The following SGTB variants were observed in gnomAD, a reference collection of about 807,000 sequenced individuals.
SGTB encodes small glutamine rich tetratricopeptide repeat co-chaperone beta, also known as small glutamine-rich tetratricopeptide repeat-containing protein beta.
Under a neutral mutation model 43.9 loss-of-function variants are expected in SGTB, and 19 were observed. That is an observed-to-expected ratio of 0.43 (90% CI 0.30 to 0.63). The LOEUF (loss-of-function observed/expected upper bound fraction) is 0.63. Among genes scored for constraint, SGTB ranks in the 30% least tolerant of loss-of-function variants. The pLI, the probability that SGTB is intolerant of heterozygous loss-of-function variation, is 0.12. For missense variants in SGTB, 304 were observed against 358.9 expected (o/e 0.85, Z 1.24); for synonymous variants, 116 against 117.3 (o/e 0.99, Z 0.07).
At chr5:65,720,049 C>A (rs1183949776) in intron 2 of SGTB, among the ~76,000 whole-genome samples, 1 of 150,462 alleles carries the variant, frequency 6.6e-6, no homozygotes, top group East Asian at 1.9e-4. Context: ...GCTGTGTTAT[C>A]TGCTTACGCT....
chr5:65,682,459 A>G (rs1579859456), intron 6 of SGTB, among the ~76,000 whole-genome samples: 1 of 152,184 alleles, frequency 6.6e-6, no homozygotes, highest in Non-Finnish European at 1.5e-5. Flanking sequence ...ATCGGTTAGG[A>G]AGCTATTGCA....
chr5:65,702,256 C>T (rs1423490188), intron 5 of SGTB, among the ~76,000 whole-genome samples: 1 of 151,960 alleles, frequency 6.6e-6, no homozygotes, highest in African/African-American at 2.4e-5. Context: ...TACCGAAGGT[C>T]CCCTGGCAAA....
rs781711460 is a variant in SGTB, at chr5:65,670,201, A to G, written c.*45T>C. The G allele has an allele frequency of 1.2e-5, 18 of 1,552,000 alleles. No homozygotes were observed. In the Admixed American group the frequency reaches 2.9e-4, roughly 25 times the overall value. On this transcript the variant is annotated 3_prime_UTR_variant, in exon 11 of 11. Coordinates refer to ENST00000381007, the MANE Select transcript of SGTB (RefSeq NM_019072.3). ...ACTATCTACAACAAATACTTCATTC[A>G]TAGCCATAAACCATTTGTATCTTGG...
intron 2 of SGTB, among the ~76,000 whole-genome samples, chr5:65,716,709 A>T (rs1758159618): frequency 6.6e-6 from 1 of 152,174 alleles, no homozygotes; most frequent in African/African-American, 2.4e-5. Context: ...GGTTTTGGCC[A>T]TGTTAAATTT....
intron 8 of SGTB, among the ~76,000 whole-genome samples, chr5:65,673,916 A>G (rs963715037): frequency 6.6e-6 from 1 of 152,166 alleles, no homozygotes; most frequent in East Asian, 1.9e-4. Context: ...TTAGCCTCCC[A>G]AAGTGCTGGG....
chr5:65,693,898 A>C lies in SGTB; in HGVS notation c.375-8426T>G, dbSNP rs181024270. Among the ~76,000 whole-genome samples, 129 of 152,384 alleles carry C rather than the reference A, an allele frequency of 8.5e-4. 2 individuals carry two copies. Among genetic ancestry groups the C allele is most frequent in the African/African-American group, 3.1e-3 (129 of 41,596 alleles). On this transcript the variant is annotated intron_variant, in intron 5 of 10. Transcript: ENST00000381007. ...TGTCTAACAGAACTTTCTGCAACAG[A>C]AAAGTTCTGTATCTGTACTATCCAA...
rs1581242719 is a variant in SGTB at position 65,671,118 on chromosome 5, A to G, written c.804-761T>C. Reference sequence around the variant, plus strand: ...AGTATGTAACAAGTGATTTTAAACTATGTATGTGTACCTAAATTGATATAT... The same window carrying G: ...AGTATGTAACAAGTGATTTTAAACTGTGTATGTGTACCTAAATTGATATAT... On this transcript the variant is annotated intron_variant, in intron 10 of 10. Coordinates refer to ENST00000381007, the MANE Select transcript of SGTB (RefSeq NM_019072.3). Among the ~76,000 whole-genome samples, 3 of 152,232 alleles carry G rather than the reference A, an allele frequency of 2.0e-5. No homozygotes were observed. In the South Asian group the frequency reaches 6.2e-4, roughly 31 times the overall value.
chr5:65,684,314 G>A (rs1757456189), intron 6 of SGTB, among the ~76,000 whole-genome samples: 1 of 151,844 alleles, frequency 6.6e-6, no homozygotes, highest in African/African-American at 2.4e-5. Context: ...GAACTCCTGG[G>A]CTCAAGCATT....
intron 5 of SGTB, among the ~76,000 whole-genome samples, chr5:65,698,356 T>C (rs1757750789): frequency 1.3e-5 from 2 of 152,234 alleles, no homozygotes; most frequent in South Asian, 4.1e-4. Context: ...TCAAATGTAC[T>C]ATACTGCTTG....
At chr5:65,720,960 T>G (rs1758261454) in intron 1 of SGTB, 131 bp from the exon 2 acceptor site, 1 of 902,114 alleles carries the variant, frequency 1.1e-6, no homozygotes. Context: ...CTGTATGACC[T>G]TTCATCTTTT....
Position 65,702,044 on chromosome 5 carries a change from G to A in SGTB, c.374+2235C>T, listed in dbSNP as rs377298857. Among the ~76,000 whole-genome samples the A allele has an allele frequency of 6.6e-5, 10 of 152,332 alleles. No homozygotes were observed. In the South Asian group the frequency reaches 1.2e-3, roughly 19 times the overall value. On this transcript the variant is annotated intron_variant, in intron 5 of 10. Coordinates refer to ENST00000381007, the MANE Select transcript of SGTB (RefSeq NM_019072.3). ...TGGCTAGTGGCAACTGAGTTGGACA[G>A]TACAGATATAGAACATTTCGATCAC...
At chr5:65,681,744 G>A (rs1360472026) in intron 6 of SGTB, among the ~76,000 whole-genome samples, 1 of 152,090 alleles carries the variant, frequency 6.6e-6, no homozygotes, top group African/African-American at 2.4e-5. Context: ...GGAGGCCAGG[G>A]TGGGTGGATC....
chr5:65,695,583 T>C (rs577061109), intron 5 of SGTB, among the ~76,000 whole-genome samples: 2 of 152,320 alleles, frequency 1.3e-5, no homozygotes, highest in East Asian at 3.9e-4. Flanking sequence ...GAAATTTCAG[T>C]GGAACAGTAC....
intron 5 of SGTB, among the ~76,000 whole-genome samples, chr5:65,695,652 C>A (rs541683864): frequency 6.6e-6 from 1 of 152,184 alleles, no homozygotes; most frequent in East Asian, 1.9e-4. Context: ...GAAACAAAAG[C>A]ACAAATATGA....
chr5:65,719,615 T>C (rs192727142), intron 2 of SGTB, among the ~76,000 whole-genome samples: 74 of 151,924 alleles, frequency 4.9e-4, no homozygotes, highest in African/African-American at 1.4e-3. Flanking sequence ...AATAAATAAA[T>C]AAAAGACTTT....
rs777640144 is a variant in SGTB at position 65,680,668 on chromosome 5, C to T, written c.606G>A (p.Glu202=). 3 of 1,614,006 alleles carry T rather than the reference C, an allele frequency of 1.9e-6. No homozygotes were observed. The Admixed American group carries it at 5.0e-5, about 27-fold the overall frequency. Residue 202 remains glutamate, a synonymous_variant, in exon 7 of 11, where the codon GAG becomes GAA. Coordinates refer to ENST00000381007, the MANE Select transcript of SGTB (RefSeq NM_019072.3). ...NLKIAEQKLR[E]VSSPTGTGLS... ...ATTAACAACTTACAGGACTGGATAC[C>T]TCTCTTAACTTCTGTTCTGCTATTT...
At chr5:65,705,872 A>C (rs1303912633) in intron 4 of SGTB, among the ~76,000 whole-genome samples, 3 of 151,652 alleles carry the variant, frequency 2.0e-5, no homozygotes, top group African/African-American at 7.3e-5. Flanking sequence ...TACAAAAAAA[A>C]AAAAAAACAC....
Position 65,680,807 on chromosome 5 carries a change from G to A in SGTB, c.480-13C>T, listed in dbSNP as rs199907458. On this transcript the variant is annotated splice_polypyrimidine_tract_variant and intron_variant, in intron 6 of 10. Transcript: ENST00000381007. ...AGTGAGGGCCAGCCTGAAGGGAATA[G>A]AATATAAGAATATCAGATATATGAT... is the stretch of plus-strand genomic sequence containing the variant. 1 of 1,606,360 alleles carries A rather than the reference G, an allele frequency of 6.2e-7. No homozygotes were observed. Among genetic ancestry groups the A allele is most frequent in the East Asian group, 2.2e-5 (1 of 44,828 alleles).
chr5:65,720,664 G>C (rs781276129), intron 2 of SGTB, 44 bp downstream of exon 2: 1 of 1,580,884 alleles, frequency 6.3e-7, no homozygotes, highest in Non-Finnish European at 8.6e-7. Context: ...TTTAGTCTTC[G>C]TTTATAATTA....
Sources: gnomAD v4.1 joint callset for allele counts (sites outside exome capture counted in the v4.1 genomes callset) on GRCh38, gnomAD v4.1.1 for gene constraint, MANE v1.5 for transcripts, NCBI Gene and HGNC (gene_info 2026-07-23, HGNC 2026-07-21) for gene names.